SCCPDH: variants seen among roughly 807,000 people sequenced by gnomAD.
SCCPDH encodes saccharopine dehydrogenase (putative), also known as saccharopine dehydrogenase-like oxidoreductase.
Under a neutral mutation model 51.5 loss-of-function variants are expected in SCCPDH, and 34 were observed. That is an observed-to-expected ratio of 0.66 (90% CI 0.50 to 0.88). SCCPDH has a LOEUF of 0.88. Among genes scored for constraint, SCCPDH ranks in the 40% least tolerant of loss-of-function variants. The pLI, the probability that SCCPDH is intolerant of heterozygous loss-of-function variation, is 0.00. For synonymous variants in SCCPDH, 187 were observed against 191.3 expected, an observed-to-expected ratio of 0.98 and a Z score of 0.19; for missense variants, 464 against 527.1, an observed-to-expected ratio of 0.88 and a Z score of 1.17.
intron 5 of SCCPDH, among the ~76,000 whole-genome samples, chr1:246,755,160 G>A (rs763627950): frequency 1.3e-5 from 2 of 152,206 alleles, no homozygotes; most frequent in Non-Finnish European, 2.9e-5. Context: ...ATAAATTGAA[G>A]GATCCAGCGT....
Position 246,746,107 on chromosome 1 carries a change from C to CAAAA in SCCPDH, c.564+2004_564+2007dup, listed in dbSNP as rs756929255. 9.1e-3 allele frequency among the ~76,000 whole-genome samples: 723 copies of CAAAA among 79,436 alleles called. 42 individuals are homozygous for CAAAA. The highest frequency in any genetic ancestry group is 0.047 in the African/African-American group (668 of 14,142). 52.1% of individuals were successfully genotyped at this position (79,436 alleles called of 152,430 possible). Reference sequence around the variant, plus strand: ...TGGGCGACAGAGCGAGACTCCATCTCAAAAAAAAAAAAAAAAAAAAAAAAA... The same window carrying CAAAA: ...TGGGCGACAGAGCGAGACTCCATCTCAAAAAAAAAAAAAAAAAAAAAAAAAAAAA... On this transcript the variant is annotated intron_variant, in intron 5 of 11. Coordinates refer to ENST00000366510, the MANE Select transcript of SCCPDH (RefSeq NM_016002.3).
In SCCPDH at chr1:246,759,020, G is replaced by A. The variant is rs1181271495; in HGVS notation, c.696-14G>A. 2.9e-6 allele frequency: 4 copies of A among 1,357,286 alleles called. 1 individual carries two copies. The Admixed American group carries it at 5.0e-5, about 17-fold the overall frequency. The allele number at this position is 1,357,286 out of a possible 1,614,324, so 84.1% of individuals were successfully genotyped here. On this transcript the variant is annotated splice_polypyrimidine_tract_variant and intron_variant, in intron 6 of 11. Coordinates refer to ENST00000366510, the MANE Select transcript of SCCPDH (RefSeq NM_016002.3). ...TTGCAGGAAATGCAAAATATTCATA[G>A]GTCTGTCTTGCAGGTGGCCAATTTC...
chr1:246,760,330 G>A, intron 9 of SCCPDH, 103 bp downstream of exon 9: 1 of 926,970 alleles, frequency 1.1e-6, no homozygotes, highest in South Asian at 1.6e-5. Flanking sequence ...ACTCTTTTAA[G>A]TTCTTTATGT....
intron 2 of SCCPDH, among the ~76,000 whole-genome samples, chr1:246,734,574 C>T (rs553447314): frequency 1.4e-4 from 22 of 152,214 alleles, no homozygotes; most frequent in African/African-American, 4.3e-4. Flanking sequence ...TTCTCCCAGT[C>T]CTGTAATTCC....
rs137913761 is a variant in SCCPDH, at chr1:246,760,211, G to A, written c.974G>A (p.Gly325Asp). 2 of 1,608,738 alleles carry A rather than the reference G, an allele frequency of 1.2e-6. No homozygotes were observed. The highest frequency in any genetic ancestry group is 1.7e-6 in the Non-Finnish European group (2 of 1,178,506). ...FFSFGYFSKQGPTQKQIDAAS... is the reference protein window; with the variant it reads ...FFSFGYFSKQDPTQKQIDAAS... Reference sequence around the variant, plus strand: ...TCCTTTGGCTATTTTTCAAAACAAGGCCCAACACAAAAACAGGTAATTTCT... The same window carrying A: ...TCCTTTGGCTATTTTTCAAAACAAGACCCAACACAAAAACAGGTAATTTCT... Residue 325 changes from glycine to aspartate, a missense_variant, in exon 9 of 12, where the codon GGC (glycine) becomes GAC (aspartate). Physicochemically the swap from Gly to Asp is moderately conservative, Grantham distance 94 (BLOSUM62 -1). Coordinates refer to ENST00000366510, the MANE Select transcript of SCCPDH (RefSeq NM_016002.3).
Position 246,739,502 on chromosome 1 carries a change from G to C in SCCPDH, c.385-670G>C, listed in dbSNP as rs894298959. Reference sequence around the variant, plus strand: ...AACAACCGAATGTAATCCTGGATGGGATCCTGGAGCAGAAAAAGGGGTTCA... The same window carrying C: ...AACAACCGAATGTAATCCTGGATGGCATCCTGGAGCAGAAAAAGGGGTTCA... On this transcript the variant is annotated intron_variant, in intron 3 of 11. Transcript: ENST00000366510. Among the ~76,000 whole-genome samples, 4 of 152,290 alleles carry C rather than the reference G, an allele frequency of 2.6e-5. No individual in the cohort carries two copies. In the East Asian group the frequency reaches 7.7e-4, roughly 29 times the overall value.
chr1:246,727,235 A>G (rs889109324), intron 2 of SCCPDH, among the ~76,000 whole-genome samples: 1 of 152,126 alleles, frequency 6.6e-6, no homozygotes, highest in Non-Finnish European at 1.5e-5. Flanking sequence ...TGGCTTGTTG[A>G]TTGGTTACAT....
chr1:246,728,398 C>T (rs1051339545), intron 2 of SCCPDH, among the ~76,000 whole-genome samples: 8 of 152,158 alleles, frequency 5.3e-5, no homozygotes, highest in African/African-American at 1.9e-4. Context: ...TTGCCTTTTT[C>T]TCCTCAGTAC....
intron 4 of SCCPDH, among the ~76,000 whole-genome samples, chr1:246,740,518 A>T (rs1320261436): frequency 5.9e-5 from 9 of 152,198 alleles, no homozygotes; most frequent in Admixed American, 6.6e-5. Context: ...TTACAGTGAT[A>T]TATTATTGTC....
chr1:246,746,043 G>A (rs553163867), intron 5 of SCCPDH, among the ~76,000 whole-genome samples: 3 of 142,132 alleles, frequency 2.1e-5, no homozygotes, highest in African/African-American at 7.9e-5. Context: ...GGGAGGCAGA[G>A]TTTGCAGTGA....
At chr1:246,734,638 G>A (rs1235517590) in intron 2 of SCCPDH, among the ~76,000 whole-genome samples, 1 of 152,152 alleles carries the variant, frequency 6.6e-6, no homozygotes, top group African/African-American at 2.4e-5. Flanking sequence ...TTAGGTAAGA[G>A]GGCAGCCCAT....
chr1:246,756,529 T>C (rs982689285), intron 5 of SCCPDH, among the ~76,000 whole-genome samples: 1 of 152,214 alleles, frequency 6.6e-6, no homozygotes. Flanking sequence ...TTTTTTCCTT[T>C]TCAATGGCTT....
At chr1:246,754,484 A>AT (rs1668900554) in intron 5 of SCCPDH, among the ~76,000 whole-genome samples, 1 of 152,166 alleles carries the variant, frequency 6.6e-6, no homozygotes, top group Non-Finnish European at 1.5e-5. Flanking sequence ...TTGAACATAA[A>AT]TTTTTTCAAC....
At chr1:246,749,255 G>A (rs1423590348) in intron 5 of SCCPDH, among the ~76,000 whole-genome samples, 1 of 152,178 alleles carries the variant, frequency 6.6e-6, no homozygotes, top group African/African-American at 2.4e-5. Context: ...CTTTTGTTTA[G>A]CGTGCAAACA....
At chr1:246,763,717 T>C (rs1558175550) in intron 9 of SCCPDH, among the ~76,000 whole-genome samples, 1 of 152,194 alleles carries the variant, frequency 6.6e-6, no homozygotes, top group Non-Finnish European at 1.5e-5. Flanking sequence ...AGGGCCTCAA[T>C]GGTATCTGAC....
rs774825637 is a variant in SCCPDH, at chr1:246,740,143, A to G, written c.385-29A>G. ...CTGGTCTACATCTTTCTGCATAACT[A>G]ATTAAAATTCTTATCCTGGATTTTT... On this transcript the variant is annotated intron_variant, in intron 3 of 11. Coordinates refer to ENST00000366510, the MANE Select transcript of SCCPDH (RefSeq NM_016002.3). 4 of 1,528,324 alleles carry G rather than the reference A, an allele frequency of 2.6e-6. No homozygotes were observed. In the Admixed American group the frequency reaches 5.7e-5, roughly 22 times the overall value. The allele number at this position is 1,528,324 out of a possible 1,614,324, so 94.7% of individuals were successfully genotyped here.
At chr1:246,754,417 G>A (rs926334121) in intron 5 of SCCPDH, among the ~76,000 whole-genome samples, 3 of 152,220 alleles carry the variant, frequency 2.0e-5, no homozygotes, top group Admixed American at 1.3e-4. Context: ...TGGGAATCCC[G>A]GGCGGGCCCC....
intron 3 of SCCPDH, among the ~76,000 whole-genome samples, chr1:246,736,497 C>G (rs1051515880): frequency 6.6e-6 from 1 of 151,948 alleles, no homozygotes; most frequent in Non-Finnish European, 1.5e-5. Flanking sequence ...GTCAGGAGAT[C>G]GAGACCATCC....
intron 5 of SCCPDH, among the ~76,000 whole-genome samples, chr1:246,748,049 C>A (rs750580793): frequency 2.6e-5 from 4 of 152,122 alleles, no homozygotes; most frequent in Non-Finnish European, 5.9e-5. Context: ...TCCCCCCTTT[C>A]AATTTTCTTG....
Sources: gnomAD v4.1 joint callset for allele counts (sites outside exome capture counted in the v4.1 genomes callset) on GRCh38, gnomAD v4.1.1 for gene constraint, MANE v1.5 for transcripts, NCBI Gene and HGNC (gene_info 2026-07-23, HGNC 2026-07-21) for gene names.